COL20A1: variants seen among roughly 807,000 people sequenced by gnomAD.
COL20A1 encodes the protein collagen alpha-1(XX) chain.
In COL20A1, 164 loss-of-function variants were observed where a neutral mutation model predicts 152.9. That is an observed-to-expected ratio of 1.07 (90% confidence interval 0.94 to 1.22). The LOEUF (loss-of-function observed/expected upper bound fraction) is 1.22, where lower values mean the gene tolerates loss of function less well. Among genes scored for constraint, COL20A1 ranks in the 50% most tolerant of loss-of-function variants. The pLI, the probability that COL20A1 is intolerant of heterozygous loss-of-function variation, is 0.00. For synonymous variants in COL20A1, 864 were observed against 756.0 expected, an observed-to-expected ratio of 1.14 and a Z score of -2.34; for missense variants, 1,873 against 1,744.8, an observed-to-expected ratio of 1.07 and a Z score of -1.31.
chr20:63,305,820 G>A lies in COL20A1; in HGVS notation c.338-61G>A, dbSNP rs941795996. ...GCGCCCTTGAAGGGGTGTATGTGCA[G>A]CTGCCCCAGTGGACCAGGCCCTCCA... On this transcript the variant is annotated intron_variant, in intron 4 of 35. Transcript: ENST00000358894. The surrounding 1 kb of genome is among the most constrained non-coding windows in gnomAD (Gnocchi z 4.9). 5 of 1,539,126 alleles carry A rather than the reference G, an allele frequency of 3.2e-6. No homozygotes were observed. The African/African-American group carries it at 4.1e-5, about 13-fold the overall frequency.
At position 63,328,454 on chromosome 20, in the gene COL20A1, T is replaced by A; in HGVS notation, c.3737T>A (p.Val1246Asp). 6.2e-7 allele frequency: 1 copy of A among 1,612,504 alleles called. No homozygotes were observed. The highest frequency in any genetic ancestry group is 8.5e-7 in the Non-Finnish European group (1 of 1,179,712). ...GSPGTRSKAL[V>D]PGEWGRGGRH... ...CCTGGCACCCGCAGCAAGGCCCTGGTTCCTGGAGAATGGGGGCGTGGTGGC... is the reference window on the plus strand; with the variant it reads ...CCTGGCACCCGCAGCAAGGCCCTGGATCCTGGAGAATGGGGGCGTGGTGGC... The change falls in exon 34 of 36, where the codon GTT becomes GAT. Residue 1246 changes from valine (V) to aspartate (D), a missense_variant. Coordinates refer to ENST00000358894, the MANE Select transcript of COL20A1 (RefSeq NM_020882.4).
At position 63,309,888 on chromosome 20, in the gene COL20A1, A is replaced by G; in HGVS notation, c.1236A>G (p.Arg412=). ...CCCTCAAGTATCTGATCGTTTGGCG[A>G]GCCTCTAGAGGTGGCACCCCCAGGG... ...RHPLKYLIVW[R]ASRGGTPREV... is the part of the protein sequence containing the mutation. The change falls in exon 10 of 36, where the codon CGA becomes CGG. Residue 412 remains arginine, a synonymous_variant. Coordinates refer to ENST00000358894, the MANE Select transcript of COL20A1 (RefSeq NM_020882.4). 6.2e-7 allele frequency: 1 copy of G among 1,609,310 alleles called. No homozygotes were observed. Among genetic ancestry groups the G allele is most frequent in the Non-Finnish European group, 8.5e-7 (1 of 1,178,284 alleles).
intron 21 of COL20A1, 67 bp downstream of exon 21, chr20:63,316,758 T>TG: frequency 9.9e-7 from 1 of 1,007,188 alleles, no homozygotes; most frequent in Non-Finnish European, 1.4e-6. Flanking sequence ...TAGGAGGACA[T>TG]GGTGGGGGGG....
At chr20:63,302,546 C>T (rs1364544136) in intron 3 of COL20A1, among the ~76,000 whole-genome samples, 1 of 152,184 alleles carries the variant, frequency 6.6e-6, no homozygotes, top group East Asian at 1.9e-4. Context: ...GTCTCGAACT[C>T]CTGACCTCAG....
chr20:63,330,248 G>A (rs114746497), intron 35 of COL20A1, among the ~76,000 whole-genome samples: 3,318 of 152,260 alleles, frequency 0.022, 133 homozygotes, highest in African/African-American at 0.074. Flanking sequence ...CCAGGAGCAG[G>A]TGGTGGGTAC....
intron 3 of COL20A1, among the ~76,000 whole-genome samples, chr20:63,301,455 G>A (rs1209076010): frequency 6.6e-6 from 1 of 152,166 alleles, no homozygotes; most frequent in Non-Finnish European, 1.5e-5. Flanking sequence ...TTATTTTTCA[G>A]ATTTTTTATA....
At chr20:63,296,023 C>T (rs894452062) in intron 2 of COL20A1, among the ~76,000 whole-genome samples, 14 of 152,268 alleles carry the variant, frequency 9.2e-5, no homozygotes, top group Non-Finnish European at 1.3e-4. Flanking sequence ...CCTGACAGGC[C>T]GGGGCGAGGG....
At position 63,333,664 on chromosome 20, in the gene COL20A1, G is replaced by T. The variant is rs531295996; in HGVS notation, c.*2948G>T. 5.9e-5 allele frequency: 9 copies of T among 152,468 alleles called. No individual in the cohort carries two copies. The highest frequency in any genetic ancestry group is 2.2e-4 in the African/African-American group (9 of 41,442). 9.4% of individuals were successfully genotyped at this position (152,468 alleles called of 1,614,324 possible). A position where few individuals can be genotyped will look rare whatever the true frequency, so the allele number is the denominator to read the frequency against. ...GCACAGCGCCCAGGAAGGCGGGTGCGTGCAGGCCTGGGAGGAATGTGTAGC... is the reference window on the plus strand; with the variant it reads ...GCACAGCGCCCAGGAAGGCGGGTGCTTGCAGGCCTGGGAGGAATGTGTAGC... On this transcript the variant is annotated 3_prime_UTR_variant, in exon 36 of 36. Transcript: ENST00000358894.
rs756647783 is a variant in COL20A1 at position 63,308,677 on chromosome 20, A to G, written c.911A>G (p.Lys304Arg). ...GTGCACACTGCTGCCCGTGTCCTCA[A>G]GGACCTGGGCGTGAACGTCTTCGCT... ...DDVHTAARVL[K>R]DLGVNVFAVG... is the part of the protein sequence containing the mutation. Residue 304 changes from lysine (K) to arginine (R), a missense_variant, in exon 8 of 36, where the codon AAG (lysine) becomes AGG (arginine). Physicochemically the swap from Lys to Arg is conservative, Grantham distance 26 (BLOSUM62 2). Transcript: ENST00000358894. 11 of 1,606,836 alleles carry G rather than the reference A, an allele frequency of 6.8e-6. No homozygotes were observed. In the South Asian group the frequency reaches 1.1e-4, roughly 16 times the overall value.
chr20:63,323,872 T>C (rs766870039), intron 27 of COL20A1, among the ~76,000 whole-genome samples: 9 of 140,294 alleles, frequency 6.4e-5, no homozygotes, highest in Non-Finnish European at 1.3e-4. Flanking sequence ...AATCGACTTA[T>C]CCGTTTAACC....
In COL20A1 at chr20:63,313,203, C is replaced by A; in HGVS notation, c.2163C>A (p.Tyr721Ter). The A allele has an allele frequency of 6.2e-7, 1 of 1,612,546 alleles. No individual in the cohort carries two copies. Among genetic ancestry groups the A allele is most frequent in the South Asian group, 1.1e-5 (1 of 91,068 alleles). Residue 721 changes from tyrosine (Y) to a stop codon, truncating the protein, a stop_gained, in exon 17 of 36, where the codon TAC (tyrosine) becomes TAA (stop). Transcript: ENST00000358894. LOFTEE classifies it high-confidence loss of function. The surrounding 1 kb of genome is among the most constrained non-coding windows in gnomAD (Gnocchi z 5.9). ...ACGACGTCACCATCTTGGCCTACTACAGGGACGGGGCCCGCAGTGACCCTG... is the reference window on the plus strand; with the variant it reads ...ACGACGTCACCATCTTGGCCTACTAAAGGGACGGGGCCCGCAGTGACCCTG... Reference protein sequence around the residue: ...TEYDVTILAYYRDGARSDPVS... With the variant: ...TEYDVTILAY
chr20:63,295,597 T>TC (rs1312867104), intron 2 of COL20A1, among the ~76,000 whole-genome samples: 4 of 152,156 alleles, frequency 2.6e-5, no homozygotes, highest in South Asian at 4.2e-4. Context: ...CACTCGCATT[T>TC]CCACGCAGCA....
In COL20A1 at chr20:63,311,833, C is replaced by T; in HGVS notation, c.1664-83C>T. On this transcript the variant is annotated intron_variant, in intron 13 of 35. Transcript: ENST00000358894. The surrounding 1 kb of genome is among the most constrained non-coding windows in gnomAD (Gnocchi z 4.4). ...CTTCCATGGCATGGGAGACCTCAGG[C>T]CCCCTCGGTCCCAGCCACTGCCCAC... is the stretch of plus-strand genomic sequence containing the variant. 3.3e-6 allele frequency: 5 copies of T among 1,513,706 alleles called. No homozygotes were observed. The highest frequency in any genetic ancestry group is 3.5e-6 in the Non-Finnish European group (4 of 1,132,916). 93.8% of individuals were successfully genotyped at this position (1,513,706 alleles called of 1,614,324 possible). A position where few individuals can be genotyped will look rare whatever the true frequency, so the allele number is the denominator to read the frequency against.
At chr20:63,301,355 A>G (rs748257328) in intron 3 of COL20A1, among the ~76,000 whole-genome samples, 24 of 152,344 alleles carry the variant, frequency 1.6e-4, no homozygotes, top group Non-Finnish European at 2.8e-4. Context: ...CATATGATCA[A>G]TTTGGTCAAT....
Position 63,308,073 on chromosome 20 carries a change from G to T in COL20A1, c.758G>T (p.Gly253Val), listed in dbSNP as rs373562137. The change falls in exon 7 of 36, where the codon GGG (glycine) becomes GTG (valine). Residue 253 changes from glycine (G) to valine (V), a missense_variant. Transcript: ENST00000358894. ...LAAVRRLRYKGGNTFTGLALT... is the reference protein window; with the variant it reads ...LAAVRRLRYKVGNTFTGLALT... ...GCTGTGCGCCGCCTCCGCTACAAGG[G>T]GGGGAACACGTTCACAGGTACGGCC... 2.9e-5 allele frequency: 46 copies of T among 1,612,352 alleles called. No homozygotes were observed. Among genetic ancestry groups the T allele is most frequent in the African/African-American group, 6.7e-5 (5 of 74,848 alleles).
chr20:63,322,198 CAGGG>C, intron 27 of COL20A1, 87 bp downstream of exon 27: 4 of 1,122,214 alleles, frequency 3.6e-6, no homozygotes, highest in South Asian at 1.6e-5. Context: ...CCTGAGAGTG[CAGGG>C]AGCTGCACGC....
chr20:63,320,985 C>T (rs1601434174), intron 25 of COL20A1, 28 bp from the exon 26 acceptor site: 1 of 1,514,040 alleles, frequency 6.6e-7, no homozygotes, highest in African/African-American at 1.4e-5. Context: ...GAGGGTCTCT[C>T]TAATGGGCAG....
rs369907352 is a variant in COL20A1, at chr20:63,303,479, G to A, written c.194-1938G>A. 2.7e-4 allele frequency among the ~76,000 whole-genome samples: 41 copies of A among 152,300 alleles called. 1 individual carries two copies. In the South Asian group the frequency reaches 5.4e-3, roughly 20 times the overall value. On this transcript the variant is annotated intron_variant, in intron 3 of 35. Coordinates refer to ENST00000358894, the MANE Select transcript of COL20A1 (RefSeq NM_020882.4). ...TGGGCTTCTATCCCACTTCTACTGC[G>A]GAGTAGCTGTGTGATTGGTCCTTTG...
intron 7 of COL20A1, 22 bp from the exon 8 acceptor site, chr20:63,308,520 C>T: frequency 1.3e-6 from 2 of 1,553,754 alleles, no homozygotes; most frequent in Non-Finnish European, 1.7e-6. Flanking sequence ...CTGCCTGTCA[C>T]TTTATTCCTG....
Sources: allele counts gnomAD v4.1 joint callset (sites outside exome capture counted in the v4.1 genomes callset), GRCh38; gene constraint gnomAD v4.1.1; non-coding constraint Gnocchi (gnomAD v3.1); transcripts MANE v1.5; gene names NCBI Gene and HGNC (gene_info 2026-07-23, HGNC 2026-07-21).